The following GAS7 variants were observed in gnomAD, a reference collection of about 807,000 sequenced individuals.
GAS7 encodes growth arrest-specific protein 7.
Under a neutral mutation model 71.1 loss-of-function variants are expected in GAS7, and 28 were observed. That is an observed-to-expected ratio of 0.39 (90% CI 0.29 to 0.54). The LOEUF (loss-of-function observed/expected upper bound fraction) is 0.54, where lower values mean the gene tolerates loss of function less well. GAS7 is among the 20% of genes least tolerant of loss of function. The probability of loss-of-function intolerance (pLI) is 0.62; values close to 1 mark genes in which losing one functional copy is unlikely to be tolerated. For synonymous variants in GAS7, 258 were observed against 245.8 expected (o/e 1.05, Z -0.46); for missense variants, 436 against 627.8 (o/e 0.69, Z 3.27).
intron 1 of GAS7, among the ~76,000 whole-genome samples, chr17:10,163,203 C>T (rs979119953): frequency 9.2e-5 from 14 of 152,104 alleles, no homozygotes; most frequent in Non-Finnish European, 1.5e-4. Flanking sequence ...CTCTGCCTCC[C>T]GGGTTCGAGC....
intron 3 of GAS7, among the ~76,000 whole-genome samples, chr17:9,973,532 G>A (rs571954476): frequency 6.6e-6 from 1 of 152,306 alleles, no homozygotes; most frequent in South Asian, 2.1e-4. Flanking sequence ...GGGATTACCG[G>A]CATGAGCCAC....
chr17:9,920,485 G>A (rs575926137), intron 11 of GAS7, among the ~76,000 whole-genome samples: 8 of 152,316 alleles, frequency 5.3e-5, no homozygotes, highest in East Asian at 1.9e-4. Flanking sequence ...AACACACTGC[G>A]AAGTAATTGC....
At chr17:10,088,255 ATAAAT>A (rs2073543283) in intron 1 of GAS7, among the ~76,000 whole-genome samples, 1 of 148,828 alleles carries the variant, frequency 6.7e-6, no homozygotes, top group South Asian at 2.1e-4. Flanking sequence ...AATAATAATA[ATAAAT>A]ATGTATATAT....
At chr17:10,031,430 G>A (rs183291937) in intron 1 of GAS7, among the ~76,000 whole-genome samples, 336 of 152,304 alleles carry the variant, frequency 2.2e-3, no homozygotes, top group African/African-American at 7.4e-3. Flanking sequence ...GTCTCCGGGG[G>A]GACAAGGATT....
At chr17:9,968,749 T>C (rs776548084) in intron 4 of GAS7, among the ~76,000 whole-genome samples, 4 of 152,358 alleles carry the variant, frequency 2.6e-5, no homozygotes, top group Non-Finnish European at 4.4e-5. Flanking sequence ...ATGTTAAGTA[T>C]AGATTTCCTT....
chr17:10,083,860 T>A (rs1265794999), intron 1 of GAS7, among the ~76,000 whole-genome samples: 1 of 151,828 alleles, frequency 6.6e-6, no homozygotes, highest in Non-Finnish European at 1.5e-5. Context: ...TAGGAAAGGG[T>A]AGGTATACAT....
chr17:9,969,229 A>C lies in GAS7; in HGVS notation c.471+448T>G, dbSNP rs1354987793. Among the ~76,000 whole-genome samples the C allele has an allele frequency of 6.6e-6, 1 of 152,226 alleles. No individual in the cohort carries two copies. The highest frequency in any genetic ancestry group is 1.9e-4 in the East Asian group (1 of 5,206). On this transcript the variant is annotated intron_variant, in intron 4 of 13. Transcript: ENST00000432992. This position sits in a 1 kb window ranked among gnomAD's most constrained non-coding sequence, Gnocchi z 5.5. ...GTACAACATACTCCCATTTCCTTCC[A>C]TCTCATAGCTCTCTCTATGCTACTT...
chr17:10,063,771 CG>C (rs1337635450), intron 1 of GAS7, among the ~76,000 whole-genome samples: 1 of 152,186 alleles, frequency 6.6e-6, no homozygotes, highest in Non-Finnish European at 1.5e-5. Context: ...TCCTGACCAC[CG>C]TCTAGTATGG....
chr17:9,914,051 C>G lies in GAS7; in HGVS notation c.*3177G>C, dbSNP rs1398076579. 3 of 229,028 alleles carry G rather than the reference C, an allele frequency of 1.3e-5. No individual in the cohort carries two copies. Among genetic ancestry groups the G allele is most frequent in the African/African-American group, 6.6e-5 (3 of 45,158 alleles). 14.2% of individuals were successfully genotyped at this position (229,028 alleles called of 1,614,324 possible). On this transcript the variant is annotated 3_prime_UTR_variant, in exon 14 of 14. Transcript: ENST00000432992. ...AACCCGGATAGCGTGCTTGCCTCTC[C>G]AAAGTGCAGTCTTTTATTTTCTCAG...
chr17:10,008,140 G>A (rs2071614806), intron 2 of GAS7, among the ~76,000 whole-genome samples: 1 of 152,170 alleles, frequency 6.6e-6, no homozygotes, highest in Admixed American at 6.5e-5. Flanking sequence ...ATCAGTTGAT[G>A]GGCATTTTGG....
intron 1 of GAS7, among the ~76,000 whole-genome samples, chr17:10,174,556 G>A (rs555790848): frequency 1.3e-5 from 2 of 152,174 alleles, no homozygotes; most frequent in East Asian, 1.9e-4. Flanking sequence ...GCCGGGCGCA[G>A]TGGCGGGCGC....
At chr17:10,057,603 C>T (rs1427981593) in intron 1 of GAS7, among the ~76,000 whole-genome samples, 1 of 151,410 alleles carries the variant, frequency 6.6e-6, no homozygotes, top group Non-Finnish European at 1.5e-5. Context: ...CCCCGCCCGG[C>T]CAGCCGCCCC....
chr17:9,984,350 G>A (rs915431124), intron 2 of GAS7, among the ~76,000 whole-genome samples: 5 of 152,106 alleles, frequency 3.3e-5, no homozygotes, highest in African/African-American at 1.2e-4. Context: ...TGGGTTTCAG[G>A]AAGGGTGAAC....
chr17:10,117,734 C>G (rs1166402316), intron 1 of GAS7, among the ~76,000 whole-genome samples: 2 of 152,134 alleles, frequency 1.3e-5, no homozygotes, highest in South Asian at 2.1e-4. Context: ...GACTAGGGAC[C>G]AGCAGAGCAG....
intron 1 of GAS7, among the ~76,000 whole-genome samples, chr17:10,062,776 T>C (rs2073233526): frequency 6.6e-6 from 1 of 152,174 alleles, no homozygotes; most frequent in Non-Finnish European, 1.5e-5. Context: ...TTCTCTCCCT[T>C]TCCTTTCTTC....
At chr17:10,088,168 C>T (rs975748297) in intron 1 of GAS7, among the ~76,000 whole-genome samples, 10 of 151,238 alleles carry the variant, frequency 6.6e-5, no homozygotes, top group African/African-American at 2.4e-4. Context: ...TTGCAGTGAG[C>T]TGAGATTGCG....
At chr17:10,189,039 T>G (rs1161715523) in intron 1 of GAS7, among the ~76,000 whole-genome samples, 1 of 152,260 alleles carries the variant, frequency 6.6e-6, no homozygotes, top group African/African-American at 2.4e-5. Context: ...TTTTAATTTA[T>G]AAAAGCACTT....
intron 1 of GAS7, among the ~76,000 whole-genome samples, chr17:10,087,750 T>A (rs897188651): frequency 6.6e-6 from 1 of 152,170 alleles, no homozygotes; most frequent in Non-Finnish European, 1.5e-5. Flanking sequence ...AGTGCTGAAT[T>A]CCAAGGCCCT....
In GAS7 at chr17:10,071,574, T is replaced by TA. The variant is rs35955853; in HGVS notation, c.184-51678dup. Among the ~76,000 whole-genome samples, 27 of 151,842 alleles carry TA rather than the reference T, an allele frequency of 1.8e-4. No homozygotes were observed. In the East Asian group the frequency reaches 4.8e-3, roughly 27 times the overall value. On this transcript the variant is annotated intron_variant, in intron 1 of 13. Coordinates refer to ENST00000432992, the MANE Select transcript of GAS7 (RefSeq NM_201433.2). ...GCTTTGCTTGACCTGCAGACCTTTT[T>TA]AAAAAAAAGTTTTGACTTAGCTTCA...
Sources: allele counts gnomAD v4.1 joint callset (sites outside exome capture counted in the v4.1 genomes callset), GRCh38; gene constraint gnomAD v4.1.1; non-coding constraint Gnocchi (gnomAD v3.1); transcripts MANE v1.5; gene names NCBI Gene and HGNC (gene_info 2026-07-23, HGNC 2026-07-21).